Variants in ANAPC11 observed in about 807,000 individuals in gnomAD.
ANAPC11 encodes anaphase-promoting complex subunit 11.
In ANAPC11, 5 loss-of-function variants were observed where a neutral mutation model predicts 11.8. That is an observed-to-expected ratio of 0.42 (90% CI 0.22 to 0.89). The LOEUF (loss-of-function observed/expected upper bound fraction) is 0.89, where lower values mean the gene tolerates loss of function less well. Among genes scored for constraint, ANAPC11 ranks in the 40% least tolerant of loss-of-function variants. The pLI is 0.28. For synonymous variants in ANAPC11, 45 were observed against 41.0 expected (o/e 1.10, Z -0.38); for missense variants, 68 against 112.9 (o/e 0.60, Z 1.80).
downstream of ANAPC11, chr17:81,900,430 T>C: frequency 6.5e-6 from 2 of 306,016 alleles, no homozygotes; most frequent in Non-Finnish European, 6.1e-6. Context: ...GGGCATGCTC[T>C]TCAGGCATGC....
At chr17:81,897,291 G>A (rs1004196728) in intron 3 of ANAPC11, among the ~76,000 whole-genome samples, 8 of 151,922 alleles carry the variant, frequency 5.3e-5, no homozygotes, top group South Asian at 4.2e-4. Context: ...GAGCCACTGC[G>A]CCCAGCCCTT....
At chr17:81,893,421 G>C (rs897052537) in intron 1 of ANAPC11, 131 bp from the exon 2 acceptor site, 1 of 151,998 alleles carries the variant, frequency 6.6e-6, no homozygotes, top group African/African-American at 2.4e-5. Context: ...GTAGAGATGG[G>C]GTTTCACCAT....
chr17:81,898,172 G>A (rs1367598684), intron 3 of ANAPC11: 1 of 152,278 alleles, frequency 6.6e-6, no homozygotes, highest in Non-Finnish European at 1.5e-5. Flanking sequence ...GATGCCCTGA[G>A]GGCAGGCATT....
intron 3 of ANAPC11, among the ~76,000 whole-genome samples, chr17:81,897,305 G>A (rs1043472361): frequency 1.2e-4 from 18 of 152,076 alleles, no homozygotes; most frequent in African/African-American, 4.3e-4. Flanking sequence ...AGCCCTTGTT[G>A]TATTTTTAGC....
At chr17:81,900,302 C>CG (rs1214768641), downstream of ANAPC11, 5 of 603,648 alleles carry the variant, frequency 8.3e-6, no homozygotes, top group Non-Finnish European at 1.4e-5. Context: ...GATGTGGTCT[C>CG]GGTGTGTTTT....
In ANAPC11 at chr17:81,894,470, C is replaced by T. The variant is rs770440570; in HGVS notation, c.-8C>T. ...CGTCCTGTTCCCTCCGCCGCAGGCTCTGCTGCCATGAAGGTGAAGATTAAG... is the reference window on the plus strand; with the variant it reads ...CGTCCTGTTCCCTCCGCCGCAGGCTTTGCTGCCATGAAGGTGAAGATTAAG... On this transcript the variant is annotated 5_prime_UTR_variant, in exon 3 of 4. Transcript: ENST00000344877. The T allele has an allele frequency of 1.2e-6, 2 of 1,605,076 alleles. No homozygotes were observed. The highest frequency in any genetic ancestry group is 1.7e-6 in the Non-Finnish European group (2 of 1,172,746).
chr17:81,900,175 C>CT lies in ANAPC11; in HGVS notation c.*111dup. The CT allele has an allele frequency of 6.7e-7, 1 of 1,499,204 alleles. No homozygotes were observed. Among genetic ancestry groups the CT allele is most frequent in the Admixed American group, 2.2e-5 (1 of 46,236 alleles). 92.9% of individuals were successfully genotyped at this position (1,499,204 alleles called of 1,614,324 possible). The stretch of plus-strand genomic sequence containing the variant: ...AGCTGCAACAAGGTGGAAACAAGGG[C>CT]TGGAGCTGCGTTTGTTTTGCCATCA... On this transcript the variant is annotated 3_prime_UTR_variant, in exon 4 of 4. Transcript: ENST00000344877.
upstream of ANAPC11, chr17:81,890,992 C>A: frequency 1.0e-6 from 1 of 971,566 alleles, no homozygotes; most frequent in Non-Finnish European, 1.5e-6. Flanking sequence ...GCCGCACGGT[C>A]CCACCGCGGC....
chr17:81,892,645 C>A (rs1450817106), intron 1 of ANAPC11, among the ~76,000 whole-genome samples: 1 of 149,692 alleles, frequency 6.7e-6, no homozygotes, highest in African/African-American at 2.5e-5. Context: ...GCGGCAGCCT[C>A]CCGAGTAGCT....
intron 3 of ANAPC11, among the ~76,000 whole-genome samples, chr17:81,895,298 G>A (rs1038984066): frequency 1.3e-5 from 2 of 151,846 alleles, no homozygotes; most frequent in Non-Finnish European, 2.9e-5. Context: ...TGATCCACCC[G>A]CCTCAGCCTC....
intron 3 of ANAPC11, among the ~76,000 whole-genome samples, chr17:81,895,050 CTTTTTTTT>C (rs766422017): frequency 3.5e-5 from 3 of 85,070 alleles, no homozygotes; most frequent in Non-Finnish European, 6.9e-5. Context: ...TCTTTCTTTT[CTTTTTTTT>C]TTTTTTTTTT....
intron 3 of ANAPC11, among the ~76,000 whole-genome samples, chr17:81,896,177 T>G (rs905249168): frequency 1.3e-5 from 2 of 151,706 alleles, no homozygotes. Context: ...TCCCAGCACT[T>G]TGGGAGGCCG....
chr17:81,892,461 C>T (rs2039573988), intron 1 of ANAPC11, among the ~76,000 whole-genome samples: 1 of 151,390 alleles, frequency 6.6e-6, no homozygotes, highest in East Asian at 2.0e-4. Flanking sequence ...AGAGCCAGAC[C>T]CTGTCTCCAA....
At chr17:81,900,466 G>A (rs996726247), downstream of ANAPC11, 5 of 250,582 alleles carry the variant, frequency 2.0e-5, no homozygotes, top group South Asian at 4.2e-5. Context: ...TGCCGGCGGC[G>A]GCCCTGGGAC....
chr17:81,899,385 A>C (rs1386766097), intron 3 of ANAPC11: 2 of 1,613,882 alleles, frequency 1.2e-6, no homozygotes, highest in South Asian at 2.2e-5. Flanking sequence ...CCTGATGTCT[A>C]GGGAAGAGTC....
intron 3 of ANAPC11, chr17:81,899,128 A>T (rs2143577584): frequency 2.6e-6 from 3 of 1,150,284 alleles, no homozygotes; most frequent in South Asian, 3.1e-5. Context: ...TGGGGCTGGG[A>T]CTTGCTGTGC....
upstream of ANAPC11, chr17:81,891,155 G>A (rs1023626690): frequency 1.4e-5 from 5 of 367,314 alleles, no homozygotes; most frequent in Admixed American, 2.3e-4. Flanking sequence ...GAACGACCTC[G>A]CTCCCGCCCA....
intron 3 of ANAPC11, chr17:81,898,461 G>C (rs2039815965): frequency 6.6e-6 from 1 of 152,218 alleles, no homozygotes; most frequent in South Asian, 2.1e-4. Flanking sequence ...TGTTAACATG[G>C]GGCCTGTTGG....
chr17:81,894,715 CTTTTTTT>C lies in ANAPC11; in HGVS notation c.109+142_109+148del, dbSNP rs529200093. The C allele has an allele frequency of 2.4e-3, 861 of 362,482 alleles. 4 individuals are homozygous for C. Among genetic ancestry groups the C allele is most frequent in the African/African-American group, 0.013 (506 of 38,976 alleles). The allele number at this position is 362,482 out of a possible 1,614,324, so 22.5% of individuals were successfully genotyped here. A position where few individuals can be genotyped will look rare whatever the true frequency, so the allele number is the denominator to read the frequency against. ...TGCACGAAATACCCAGTTTCATTTT[CTTTTTTT>C]TTTTTTTTTTTTGAGACCGAGTTTC... On this transcript the variant is annotated intron_variant, in intron 3 of 3. Transcript: ENST00000344877.
Sources: allele counts gnomAD v4.1 joint callset (sites outside exome capture counted in the v4.1 genomes callset), GRCh38; gene constraint gnomAD v4.1.1; transcripts MANE v1.5; gene names NCBI Gene and HGNC (gene_info 2026-07-23, HGNC 2026-07-21).